The following CDC20B variants were observed in gnomAD, a reference collection of about 807,000 sequenced individuals.
CDC20B encodes the protein cell division cycle protein 20 homolog B.
In CDC20B, 58 loss-of-function variants were observed where a neutral mutation model predicts 64.1. The observed-to-expected ratio is 0.90, with a 90% CI of 0.73 to 1.13. The LOEUF (loss-of-function observed/expected upper bound fraction) is 1.13. Among genes scored for constraint, CDC20B ranks in the 50% most tolerant of loss-of-function variants. The pLI, the probability that CDC20B is intolerant of heterozygous loss-of-function variation, is 0.00. For synonymous variants in CDC20B, 243 were observed against 230.6 expected (o/e 1.05, Z -0.49); for missense variants, 597 against 633.0 (o/e 0.94, Z 0.61).
Position 55,171,159 on chromosome 5 carries a change from CA to C in CDC20B, c.126+1428del, listed in dbSNP as rs1180336933. 2.0e-5 allele frequency among the ~76,000 whole-genome samples: 3 copies of C among 152,044 alleles called. No homozygotes were observed. The East Asian group carries it at 5.8e-4, about 29-fold the overall frequency. On this transcript the variant is annotated intron_variant, in intron 2 of 11. Coordinates refer to ENST00000381375, the MANE Select transcript of CDC20B (RefSeq NM_001170402.1). ...TGAAACCCCGTCTCTATTAAAAATA[CA>C]AAAATTAGCCCAGCGTGGTGGTGCT...
intron 6 of CDC20B, among the ~76,000 whole-genome samples, chr5:55,131,276 A>T (rs1561289553): frequency 6.6e-6 from 1 of 152,252 alleles, no homozygotes; most frequent in South Asian, 2.1e-4. Context: ...CTCTACGTAG[A>T]CTAAGAAAGT....
At chr5:55,122,961 G>T (rs1742794290) in intron 9 of CDC20B, among the ~76,000 whole-genome samples, 1 of 152,156 alleles carries the variant, frequency 6.6e-6, no homozygotes, top group Non-Finnish European at 1.5e-5. Context: ...ATAATGAAAT[G>T]ATTATTGTTT....
chr5:55,135,386 T>A (rs1438584433), intron 5 of CDC20B, among the ~76,000 whole-genome samples: 1 of 148,654 alleles, frequency 6.7e-6, no homozygotes, highest in Non-Finnish European at 1.5e-5. Flanking sequence ...AACAAAAACT[T>A]GTTGCTGTTT....
At chr5:55,125,271 T>G (rs1050912057) in intron 8 of CDC20B, among the ~76,000 whole-genome samples, 4 of 152,186 alleles carry the variant, frequency 2.6e-5, no homozygotes, top group African/African-American at 9.6e-5. Flanking sequence ...TGATAGATGT[T>G]TCTAATGACT....
In CDC20B at chr5:55,163,002, C is replaced by T. The variant is rs139188549; in HGVS notation, c.126+9586G>A. The stretch of plus-strand genomic sequence containing the variant: ...GCTTCCATTTATCTCATCTGCAAAA[C>T]GGGGATGATAATAATACCCACCTCA... On this transcript the variant is annotated intron_variant, in intron 2 of 11. Coordinates refer to ENST00000381375, the MANE Select transcript of CDC20B (RefSeq NM_001170402.1). Among the ~76,000 whole-genome samples, 60 of 152,112 alleles carry T rather than the reference C, an allele frequency of 3.9e-4. No individual in the cohort carries two copies. In the South Asian group the frequency reaches 6.8e-3, roughly 17 times the overall value.
At chr5:55,120,204 G>C (rs957811760) in intron 10 of CDC20B, among the ~76,000 whole-genome samples, 1 of 152,036 alleles carries the variant, frequency 6.6e-6, no homozygotes, top group Non-Finnish European at 1.5e-5. Flanking sequence ...AGCAGTGATG[G>C]GGAAAGAAAG....
intron 3 of CDC20B, among the ~76,000 whole-genome samples, chr5:55,144,222 A>G (rs373327373): frequency 4.3e-4 from 66 of 152,290 alleles, no homozygotes; most frequent in African/African-American, 1.6e-3. Context: ...TTTTAAAGAT[A>G]GTTTAAGATG....
chr5:55,141,863 G>A (rs1330102954), intron 4 of CDC20B, among the ~76,000 whole-genome samples: 1 of 152,126 alleles, frequency 6.6e-6, no homozygotes, highest in Non-Finnish European at 1.5e-5. Context: ...CAGTAACCCA[G>A]GCCTTCACCC....
chr5:55,127,112 G>A (rs1742911471), intron 8 of CDC20B, 145 bp downstream of exon 8: 1 of 662,984 alleles, frequency 1.5e-6, no homozygotes, highest in South Asian at 1.9e-5. Context: ...ACCTGAGAGG[G>A]TGGGATCATA....
At chr5:55,137,576 T>G in intron 5 of CDC20B, 1 of 456,728 alleles carries the variant, frequency 2.2e-6, no homozygotes, top group South Asian at 1.5e-5. Context: ...GCCTCTCAAT[T>G]AGTCTTTGCC....
At chr5:55,126,497 G>A in intron 8 of CDC20B, 1 of 235,112 alleles carries the variant, frequency 4.3e-6, no homozygotes, top group Non-Finnish European at 7.9e-6. Context: ...ACAGTCTTTG[G>A]GATTTATCTA....
At chr5:55,132,294 A>T (rs1209466568) in intron 6 of CDC20B, among the ~76,000 whole-genome samples, 3 of 152,126 alleles carry the variant, frequency 2.0e-5, no homozygotes, top group Admixed American at 6.5e-5. Flanking sequence ...CATGGAGCCC[A>T]GACCCCTTCC....
At chr5:55,131,729 T>A (rs1337137398) in intron 6 of CDC20B, among the ~76,000 whole-genome samples, 1 of 152,152 alleles carries the variant, frequency 6.6e-6, no homozygotes, top group Non-Finnish European at 1.5e-5. Flanking sequence ...ATTATAAGTA[T>A]AAAGATCTTT....
chr5:55,160,315 A>C, intron 2 of CDC20B: 1 of 1,613,890 alleles, frequency 6.2e-7, no homozygotes, highest in East Asian at 2.2e-5. Context: ...AATTCCTCAA[A>C]CCTAAAATCA....
rs147153466 is a variant in CDC20B at position 55,145,137 on chromosome 5, C to G, written c.355+1491G>C. ...TTTTAGCCAGAAATTCTTCCAAAAA[C>G]AATCAGCATCAAAACTGTCCCTCAA... On this transcript the variant is annotated intron_variant, in intron 3 of 11. Coordinates refer to ENST00000381375, the MANE Select transcript of CDC20B (RefSeq NM_001170402.1). 4.6e-5 allele frequency among the ~76,000 whole-genome samples: 7 copies of G among 152,266 alleles called. No homozygotes were observed. The East Asian group carries it at 1.3e-3, about 29-fold the overall frequency.
At position 55,120,550 on chromosome 5, in the gene CDC20B, C is replaced by CA. The variant is rs1561285340; in HGVS notation, c.1216-1_1216insT (p.Ala406CysfsTer51). On this transcript the variant is annotated frameshift_variant and splice_region_variant. Coordinates refer to ENST00000381375, the MANE Select transcript of CDC20B (RefSeq NM_001170402.1). LOFTEE classifies it high-confidence loss of function. ...GACTGCCAGGGACACCAATCCATGG[C>CA]CTTTAAAGTTTCACATAATAGCACA... The CA allele has an allele frequency of 1.2e-5, 19 of 1,613,066 alleles. No homozygotes were observed. In the African/African-American group the frequency reaches 2.3e-4, roughly 19 times the overall value.
In CDC20B at chr5:55,119,801, CA is replaced by C; in HGVS notation, c.1458del (p.Phe486LeufsTer12). 2 of 1,610,024 alleles carry C rather than the reference CA, an allele frequency of 1.2e-6. No individual in the cohort carries two copies. Among genetic ancestry groups the C allele is most frequent in the Admixed American group, 1.7e-5 (1 of 59,984 alleles). ...CPTVSRSGGF[F>X]GHRGRVLHLS... is the part of the protein sequence containing the mutation. The stretch of plus-strand genomic sequence containing the variant: ...GCATTTTACTCACCCATTTGCTTAC[CA>C]AAAAACCCACCTGACCTGGACACAG... On this transcript the variant is annotated frameshift_variant and splice_region_variant, in exon 11 of 12. Coordinates refer to ENST00000381375, the MANE Select transcript of CDC20B (RefSeq NM_001170402.1). LOFTEE classifies it high-confidence loss of function.
intron 2 of CDC20B, among the ~76,000 whole-genome samples, chr5:55,169,690 A>G (rs1215196236): frequency 6.6e-6 from 1 of 152,216 alleles, no homozygotes; most frequent in African/African-American, 2.4e-5. Context: ...AATCCCCAAT[A>G]TTCTTGATAT....
At chr5:55,160,572 T>C (rs1339702277) in intron 2 of CDC20B, 9 of 568,550 alleles carry the variant, frequency 1.6e-5, no homozygotes, top group Middle Eastern at 4.6e-4. Context: ...TTCTAAATAA[T>C]AAATTCCGAT....
Sources: gnomAD v4.1 joint callset for allele counts (sites outside exome capture counted in the v4.1 genomes callset) on GRCh38, gnomAD v4.1.1 for gene constraint, MANE v1.5 for transcripts, NCBI Gene and HGNC (gene_info 2026-07-23, HGNC 2026-07-21) for gene names.